SLC12A6: variants seen among roughly 807,000 people sequenced by gnomAD.
The protein encoded by SLC12A6 is solute carrier family 12 member 6.
SLC12A6 carries 66 observed loss-of-function variants against 135.3 expected under a neutral mutation model. That is an observed-to-expected ratio of 0.49 (90% CI 0.40 to 0.60). The LOEUF (loss-of-function observed/expected upper bound fraction) is 0.60, where lower values mean the gene tolerates loss of function less well. SLC12A6 is among the 20% of genes least tolerant of loss of function. SLC12A6 has a pLI of 0.00. For synonymous variants in SLC12A6, 513 were observed against 508.8 expected, an observed-to-expected ratio of 1.01 and a Z score of -0.11; for missense variants, 1,058 against 1,452.3, an observed-to-expected ratio of 0.73 and a Z score of 4.41.
chr15:34,284,646 A>G (rs1360888464), intron 2 of SLC12A6, among the ~76,000 whole-genome samples: 3 of 152,194 alleles, frequency 2.0e-5, no homozygotes, highest in Non-Finnish European at 1.5e-5. Context: ...CTACATGTGA[A>G]ACACTATTCT....
chr15:34,235,431 AT>A (rs371322623), intron 24 of SLC12A6, 117 bp from the exon 25 acceptor site: 82,400 of 489,802 alleles, frequency 0.17, 13 homozygotes, highest in South Asian at 0.19. Context: ...TGATAAAATG[AT>A]TTTTTTTTTT....
At chr15:34,336,926 A>G (rs1436584813) in intron 1 of SLC12A6, 174 bp from the exon 2 acceptor site, 1 of 554,120 alleles carries the variant, frequency 1.8e-6, no homozygotes, top group Non-Finnish European at 3.2e-6. Flanking sequence ...AAAAACAAAA[A>G]GACAAAACAA....
intron 2 of SLC12A6, among the ~76,000 whole-genome samples, chr15:34,333,365 G>C (rs8031993): frequency 0.036 from 5,472 of 151,990 alleles, 334 homozygotes; most frequent in African/African-American, 0.13. Context: ...GAGCAGCTGG[G>C]ATTACAGGCG....
At chr15:34,253,695 C>T (rs904480827) in intron 9 of SLC12A6, among the ~76,000 whole-genome samples, 6 of 152,186 alleles carry the variant, frequency 3.9e-5, no homozygotes, top group African/African-American at 1.4e-4. Context: ...ATCCAGATGA[C>T]TCTTCAAGAT....
In SLC12A6 at chr15:34,230,057, A is replaced by C. The variant is rs1232700978; in HGVS notation, c.*3824T>G. The C allele has an allele frequency of 4.5e-6, 2 of 445,380 alleles. No individual in the cohort carries two copies. The highest frequency in any genetic ancestry group is 8.0e-5 in the Admixed American group (2 of 24,926). The allele number at this position is 445,380 out of a possible 1,614,324, so 27.6% of individuals were successfully genotyped here. On this transcript the variant is annotated 3_prime_UTR_variant, in exon 26 of 26. Transcript: ENST00000354181. ...TACAGAGCAAAACAACAACAAAAAA[A>C]CATAACTATGTAAACAAGAGAATAA...
At chr15:34,284,225 T>G (rs960575920) in intron 2 of SLC12A6, among the ~76,000 whole-genome samples, 2 of 151,556 alleles carry the variant, frequency 1.3e-5, no homozygotes, top group African/African-American at 4.8e-5. Context: ...GAAAGAGAGC[T>G]CACGGGCTAG....
At chr15:34,326,475 A>AT (rs897816003) in intron 2 of SLC12A6, among the ~76,000 whole-genome samples, 10 of 152,274 alleles carry the variant, frequency 6.6e-5, no homozygotes, top group African/African-American at 2.4e-4. Flanking sequence ...CCAAAACAAA[A>AT]TTTTTTAGAT....
chr15:34,324,596 T>A (rs1234606764), intron 2 of SLC12A6, among the ~76,000 whole-genome samples: 1 of 150,326 alleles, frequency 6.7e-6, no homozygotes. Context: ...ACTGTTCTGT[T>A]TTATTAAACC....
chr15:34,261,169 G>A (rs1282629764), intron 3 of SLC12A6, 149 bp from the exon 4 acceptor site: 5 of 641,824 alleles, frequency 7.8e-6, no homozygotes, highest in East Asian at 2.8e-5. Context: ...ACTGCTTGGA[G>A]AATATGGAAC....
chr15:34,329,096 A>G (rs1889666618), intron 2 of SLC12A6, among the ~76,000 whole-genome samples: 1 of 152,172 alleles, frequency 6.6e-6, no homozygotes, highest in Non-Finnish European at 1.5e-5. Flanking sequence ...AACACACATC[A>G]CCAAAAACTT....
intron 2 of SLC12A6, among the ~76,000 whole-genome samples, chr15:34,285,360 C>T (rs1894976240): frequency 6.6e-6 from 1 of 152,056 alleles, no homozygotes; most frequent in African/African-American, 2.4e-5. Context: ...GATTGGCATG[C>T]TGATGATTGG....
intron 13 of SLC12A6, among the ~76,000 whole-genome samples, chr15:34,247,895 A>T (rs77866606): frequency 0.016 from 2,485 of 152,120 alleles, 63 homozygotes; most frequent in African/African-American, 0.056. Flanking sequence ...GTAGTGACAA[A>T]GTCTTGCTAT....
At chr15:34,238,158 G>A in intron 21 of SLC12A6, 74 bp downstream of exon 21, 1 of 1,051,784 alleles carries the variant, frequency 9.5e-7, no homozygotes, top group Non-Finnish European at 1.5e-6. Flanking sequence ...ATAATCAGAG[G>A]AAGAATTTGT....
intron 25 of SLC12A6, among the ~76,000 whole-genome samples, chr15:34,234,298 A>G (rs1891108467): frequency 6.6e-6 from 1 of 152,188 alleles, no homozygotes; most frequent in Non-Finnish European, 1.5e-5. Context: ...GAACCCAAGT[A>G]ATTTCTAAGT....
chr15:34,319,539 C>T (rs1320119206), intron 2 of SLC12A6, among the ~76,000 whole-genome samples: 1 of 152,104 alleles, frequency 6.6e-6, no homozygotes, highest in Non-Finnish European at 1.5e-5. Flanking sequence ...TTGCTCACAC[C>T]TGTAATCCTA....
chr15:34,310,383 T>G (rs562717104), intron 2 of SLC12A6, among the ~76,000 whole-genome samples: 608 of 130,688 alleles, frequency 4.7e-3, no homozygotes, highest in African/African-American at 0.019. Context: ...TGTGTCCCTG[T>G]GTCCAGGCTG....
At chr15:34,298,495 T>TA (rs892481077) in intron 2 of SLC12A6, among the ~76,000 whole-genome samples, 4 of 150,630 alleles carry the variant, frequency 2.7e-5, no homozygotes, top group African/African-American at 9.8e-5. Flanking sequence ...AATAAATAAA[T>TA]AAATAAAATA....
chr15:34,265,691 T>C (rs985216534), intron 3 of SLC12A6, among the ~76,000 whole-genome samples: 11 of 152,190 alleles, frequency 7.2e-5, no homozygotes, highest in Non-Finnish European at 1.2e-4. Flanking sequence ...TGGGAAGAGA[T>C]TTGCATTAAC....
chr15:34,295,615 G>A (rs558562992), intron 2 of SLC12A6, among the ~76,000 whole-genome samples: 1 of 152,234 alleles, frequency 6.6e-6, no homozygotes, highest in Admixed American at 6.5e-5. Context: ...GATTTATAAC[G>A]ATACAGTCAT....
Sources: allele counts gnomAD v4.1 joint callset (sites outside exome capture counted in the v4.1 genomes callset), GRCh38; gene constraint gnomAD v4.1.1; transcripts MANE v1.5; gene names NCBI Gene and HGNC (gene_info 2026-07-23, HGNC 2026-07-21).